MAS1: variants seen among roughly 807,000 people sequenced by gnomAD.
MAS1 encodes the protein MAS1 proto-oncogene, G protein-coupled receptor.
For missense variants in MAS1, 387 were observed against 409.7 expected (o/e 0.94, Z 0.48); for synonymous variants, 163 against 164.2 (o/e 0.99, Z 0.05).
At position 159,916,684 on chromosome 6, in the gene MAS1, A is replaced by G. The variant is rs1783030622; in HGVS notation, c.*8751A>G. On this transcript the variant is annotated 3_prime_UTR_variant, in exon 3 of 3. Transcript: ENST00000674077. ...GAGCACTGGCACTGTTGCCAGTGAGAGGCAAAGACACGAGGCCAATTCAAC... is the reference window on the plus strand; with the variant it reads ...GAGCACTGGCACTGTTGCCAGTGAGGGGCAAAGACACGAGGCCAATTCAAC... Among the ~76,000 whole-genome samples the G allele has an allele frequency of 6.6e-6, 1 of 152,166 alleles. No homozygotes were observed. The highest frequency in any genetic ancestry group is 2.4e-5 in the African/African-American group (1 of 41,442).
chr6:159,901,013 G>C (rs942453407), intron 2 of MAS1, among the ~76,000 whole-genome samples: 2 of 152,148 alleles, frequency 1.3e-5, no homozygotes, highest in Admixed American at 1.3e-4. Flanking sequence ...GTCCAAGATC[G>C]AGGCACCGTC....
chr6:159,890,353 A>C (rs1782682734), upstream of MAS1, among the ~76,000 whole-genome samples: 2 of 152,174 alleles, frequency 1.3e-5, no homozygotes, highest in Admixed American at 1.3e-4. Context: ...TCTAACAGAA[A>C]CAGCTACTCC....
At position 159,914,477 on chromosome 6, in the gene MAS1, C is replaced by A. The variant is rs908003055; in HGVS notation, c.*6544C>A. The A allele has an allele frequency of 6.6e-6, 1 of 152,160 alleles. No individual in the cohort carries two copies. Among genetic ancestry groups the A allele is most frequent in the Non-Finnish European group, 1.5e-5 (1 of 68,042 alleles). The allele number at this position is 152,160 out of a possible 1,614,324, so 9.4% of individuals were successfully genotyped here. ...CTGGAACTTAAACATTGCCCTGGAA[C>A]TATATTGCTGCTCTGTCAACATTTC... On this transcript the variant is annotated 3_prime_UTR_variant, in exon 3 of 3. Transcript: ENST00000674077.
chr6:159,896,936 C>T lies in MAS1; in HGVS notation c.-243-2250C>T, dbSNP rs190615611. ...TCACCCCGGCTGGAGTGCAGTGGCT[C>T]GTTCTTGGCTCACTGCAAGCTCCGC... On this transcript the variant is annotated intron_variant, in intron 1 of 2. Coordinates refer to ENST00000674077, the MANE Select transcript of MAS1 (RefSeq NM_002377.4). Among the ~76,000 whole-genome samples the T allele has an allele frequency of 2.9e-3, 436 of 152,134 alleles. 5 individuals are homozygous for T. The East Asian group carries it at 0.037, about 13-fold the overall frequency.
At chr6:159,905,212 G>T (rs1782870702) in intron 2 of MAS1, among the ~76,000 whole-genome samples, 1 of 152,246 alleles carries the variant, frequency 6.6e-6, no homozygotes, top group South Asian at 2.1e-4. Context: ...CTAGCACAGT[G>T]CCTGGCATGG....
intron 1 of MAS1, among the ~76,000 whole-genome samples, chr6:159,895,055 G>A (rs1254335090): frequency 6.6e-6 from 1 of 152,206 alleles, no homozygotes; most frequent in African/African-American, 2.4e-5. Context: ...TAACAACCCA[G>A]TTGATTGTGC....
intron 1 of MAS1, among the ~76,000 whole-genome samples, chr6:159,898,702 A>ATCCTCCTCCCTCTTCC (rs796972759): frequency 0.03 from 1,654 of 54,320 alleles, 42 homozygotes; most frequent in African/African-American, 0.11. Context: ...CTCCTCCTTC[A>ATCCTCCTCCCTCTTCC]TCCTCCTCCC....
chr6:159,901,187 G>A (rs1782817266), intron 2 of MAS1, among the ~76,000 whole-genome samples: 1 of 152,008 alleles, frequency 6.6e-6, no homozygotes. Context: ...CCACTCTTAG[G>A]ACCTTATTTA....
chr6:159,905,998 C>T (rs1000656036), intron 2 of MAS1, among the ~76,000 whole-genome samples: 5 of 151,996 alleles, frequency 3.3e-5, no homozygotes, highest in Non-Finnish European at 7.4e-5. Context: ...GCTAACATCT[C>T]ACCACTGCAC....
chr6:159,907,618 C>G lies in MAS1; in HGVS notation c.663C>G (p.Ser221=), dbSNP rs181740963. ...VVKIRKNTWA[S]HSSKLYIVIM... ...AGATCCGGAAGAACACGTGGGCTTC[C>G]CATTCCTCCAAGCTTTACATAGTCA... Residue 221 remains serine (S), a synonymous_variant, in exon 3 of 3, where the codon TCC becomes TCG. Coordinates refer to ENST00000674077, the MANE Select transcript of MAS1 (RefSeq NM_002377.4). The G allele has an allele frequency of 3.1e-6, 5 of 1,613,660 alleles. No individual in the cohort carries two copies. The East Asian group carries it at 1.1e-4, about 36-fold the overall frequency.
At chr6:159,895,615 A>G (rs929461502) in intron 1 of MAS1, among the ~76,000 whole-genome samples, 2 of 152,264 alleles carry the variant, frequency 1.3e-5, no homozygotes, top group Non-Finnish European at 2.9e-5. Flanking sequence ...AACCGTTAAC[A>G]TAAAAGAATG....
chr6:159,901,172 G>C (rs1288772831), intron 2 of MAS1, among the ~76,000 whole-genome samples: 1 of 152,106 alleles, frequency 6.6e-6, no homozygotes, highest in Non-Finnish European at 1.5e-5. Flanking sequence ...TATTGGATTA[G>C]GGCCCCACTC....
rs1340796211 is a variant in MAS1 at position 159,907,860 on chromosome 6, C to T, written c.905C>T (p.Ala302Val). Residue 302 changes from alanine (A) to valine (V), a missense_variant, in exon 3 of 3, where the codon GCT becomes GTT. Coordinates refer to ENST00000674077, the MANE Select transcript of MAS1 (RefSeq NM_002377.4). ...KESLKVVLTRAFKDEMQPRRQ... is the reference protein window; with the variant it reads ...KESLKVVLTRVFKDEMQPRRQ... ...TCCTTAAAAGTTGTTCTGACCAGGG[C>T]TTTCAAAGATGAAATGCAACCTCGG... is the stretch of plus-strand genomic sequence containing the variant. 1 of 1,611,610 alleles carries T rather than the reference C, an allele frequency of 6.2e-7. No individual in the cohort carries two copies. The highest frequency in any genetic ancestry group is 2.2e-5 in the East Asian group (1 of 44,778).
rs6935308 is a variant in MAS1, at chr6:159,912,439, C to A, written c.*4506C>A. 1 of 152,120 alleles carries A rather than the reference C, an allele frequency of 6.6e-6. No homozygotes were observed. Among genetic ancestry groups the A allele is most frequent in the Non-Finnish European group, 1.5e-5 (1 of 68,036 alleles). The allele number at this position is 152,120 out of a possible 1,614,324, so 9.4% of individuals were successfully genotyped here. On this transcript the variant is annotated 3_prime_UTR_variant, in exon 3 of 3. Coordinates refer to ENST00000674077, the MANE Select transcript of MAS1 (RefSeq NM_002377.4). ...TGGAGAGGAGCAGCACAAGACAAGA[C>A]ACCCAGCTGTTCAGGCTGCTGAATG...
In MAS1 at chr6:159,907,735, C is replaced by A. The variant is rs749826584; in HGVS notation, c.780C>A (p.Asn260Lys). Residue 260 changes from asparagine (N) to lysine (K), a missense_variant, in exon 3 of 3, where the codon AAC (asparagine) becomes AAA (lysine). Asn to Lys is a moderately conservative substitution (Grantham distance 94). Transcript: ENST00000674077. ...ATGAGTATTGGTCGACCTTTGGGAA[C>A]CTACACCACATTTCCCTGCTCTTCT... ...LYYEYWSTFG[N>K]LHHISLLFST... The A allele has an allele frequency of 8.7e-6, 14 of 1,613,404 alleles. No homozygotes were observed. The highest frequency in any genetic ancestry group is 1.3e-5 in the African/African-American group (1 of 74,712).
At chr6:159,894,734 A>G (rs1000404189) in intron 1 of MAS1, among the ~76,000 whole-genome samples, 3 of 152,192 alleles carry the variant, frequency 2.0e-5, no homozygotes, top group African/African-American at 7.2e-5. Context: ...ATTTGTTCTG[A>G]TGAAAGGACA....
upstream of MAS1, among the ~76,000 whole-genome samples, chr6:159,890,931 C>T (rs532148059): frequency 5.9e-5 from 9 of 152,300 alleles, no homozygotes; most frequent in South Asian, 1.9e-3. Flanking sequence ...TGCTGATAAG[C>T]GTGGGACCAT....
chr6:159,893,736 T>G (rs73015622), intron 1 of MAS1, among the ~76,000 whole-genome samples: 2,959 of 152,262 alleles, frequency 0.019, 40 homozygotes, highest in Non-Finnish European at 0.034. Context: ...ATGTTATCTA[T>G]GTACATATAT....
chr6:159,899,634 G>T (rs1782799601), intron 2 of MAS1, among the ~76,000 whole-genome samples: 1 of 152,200 alleles, frequency 6.6e-6, no homozygotes, highest in Non-Finnish European at 1.5e-5. Flanking sequence ...AGCTACTCAG[G>T]AGGCTGAGGT....
Sources: allele counts gnomAD v4.1 joint callset (sites outside exome capture counted in the v4.1 genomes callset), GRCh38; gene constraint gnomAD v4.1.1; transcripts MANE v1.5; gene names NCBI Gene and HGNC (gene_info 2026-07-23, HGNC 2026-07-21).